Variants in CHID1 observed in about 807,000 individuals in gnomAD.
CHID1 encodes the protein chitinase domain-containing protein 1.
Under a neutral mutation model 55.4 loss-of-function variants are expected in CHID1, and 44 were observed. The ratio of observed to expected loss-of-function variants is 0.79; its 90% confidence interval spans 0.62 to 1.02. The LOEUF (loss-of-function observed/expected upper bound fraction) is 1.02, where lower values mean the gene tolerates loss of function less well. Ranked by LOEUF, CHID1 falls within the 50% of genes least tolerant of loss-of-function variation. The probability of loss-of-function intolerance (pLI) is 0.00; values close to 1 mark genes in which losing one functional copy is unlikely to be tolerated. For synonymous variants in CHID1, 216 were observed against 212.9 expected (o/e 1.01, Z -0.13); for missense variants, 491 against 515.3 (o/e 0.95, Z 0.46).
chr11:871,808 G>T (rs980638222), intron 10 of CHID1, among the ~76,000 whole-genome samples: 2 of 104,844 alleles, frequency 1.9e-5, no homozygotes, highest in Non-Finnish European at 3.8e-5. Context: ...TTATCCAAGT[G>T]AGAAATGGCC....
intron 10 of CHID1, among the ~76,000 whole-genome samples, chr11:879,686 A>AG (rs1426397740): frequency 2.0e-5 from 3 of 152,214 alleles, no homozygotes; most frequent in African/African-American, 7.2e-5. Context: ...CTTGAAGACT[A>AG]GTGCGGTGGC....
At chr11:906,008 A>T (rs1396818467) in intron 1 of CHID1, among the ~76,000 whole-genome samples, 1 of 152,232 alleles carries the variant, frequency 6.6e-6, no homozygotes, top group Non-Finnish European at 1.5e-5. Context: ...AATCAAGAAA[A>T]GACATTCCAG....
chr11:906,193 C>T (rs528879240), intron 1 of CHID1, among the ~76,000 whole-genome samples: 5 of 151,942 alleles, frequency 3.3e-5, no homozygotes, highest in East Asian at 1.9e-4. Context: ...CTCGGCCCCC[C>T]CAAAGTGCTG....
intron 10 of CHID1, among the ~76,000 whole-genome samples, chr11:878,755 G>A (rs919474264): frequency 5.3e-5 from 8 of 150,880 alleles, no homozygotes; most frequent in Non-Finnish European, 8.9e-5. Context: ...AGGCTGGAGT[G>A]CAATGGCGCG....
chr11:890,868 T>C (rs922753852), intron 8 of CHID1, among the ~76,000 whole-genome samples: 17 of 152,104 alleles, frequency 1.1e-4, no homozygotes, highest in African/African-American at 2.4e-5. Flanking sequence ...AAGGACACGA[T>C]AAAATTGGCA....
chr11:885,734 CTTT>C (rs1404021268), intron 8 of CHID1, among the ~76,000 whole-genome samples: 1 of 152,182 alleles, frequency 6.6e-6, no homozygotes, highest in Admixed American at 6.5e-5. Context: ...AAGATCATTT[CTTT>C]TTTATTTCTG....
Position 884,174 on chromosome 11 carries a change from A to G in CHID1, c.702-5T>C. 6.2e-7 allele frequency: 1 copy of G among 1,612,876 alleles called. No homozygotes were observed. The highest frequency in any genetic ancestry group is 8.5e-7 in the Non-Finnish European group (1 of 1,179,120). Reference sequence around the variant, plus strand: ...AACATGCCCAGCTGGTCGGTCCTGTAACAGACAGGTGCAGCCACCTCAGGC... The same window carrying G: ...AACATGCCCAGCTGGTCGGTCCTGTGACAGACAGGTGCAGCCACCTCAGGC... On this transcript the variant is annotated splice_polypyrimidine_tract_variant and splice_region_variant and intron_variant, in intron 8 of 12. Transcript: ENST00000323578.
At chr11:890,124 C>T (rs1434970952) in intron 8 of CHID1, among the ~76,000 whole-genome samples, 1 of 152,242 alleles carries the variant, frequency 6.6e-6, no homozygotes, top group African/African-American at 2.4e-5. Context: ...GCCTGCAGGC[C>T]TAGCCCGCTC....
Position 896,080 on chromosome 11 carries a change from C to T in CHID1, c.609-2561G>A, listed in dbSNP as rs941041228. Among the ~76,000 whole-genome samples the T allele has an allele frequency of 5.9e-5, 9 of 151,858 alleles. No individual in the cohort carries two copies. In the East Asian group the frequency reaches 1.7e-3, roughly 29 times the overall value. The stretch of plus-strand genomic sequence containing the variant: ...TGACACAACGAGGCCGTCTCAGCAC[C>T]CGCAGCCTCCACCCCAGACACAACG... On this transcript the variant is annotated intron_variant, in intron 7 of 12. Transcript: ENST00000323578.
At chr11:894,264 A>G (rs1851089456) in intron 7 of CHID1, among the ~76,000 whole-genome samples, 1 of 151,938 alleles carries the variant, frequency 6.6e-6, no homozygotes, top group Non-Finnish European at 1.5e-5. Flanking sequence ...AGGAGAGGGC[A>G]GGGCACCGGG....
chr11:908,494 G>A, intron 1 of CHID1: 4 of 795,212 alleles, frequency 5.0e-6, no homozygotes, highest in Non-Finnish European at 6.1e-6. Context: ...AGGGAAGGTG[G>A]GGAGGGTTCT....
chr11:900,170 T>C, intron 5 of CHID1, 60 bp from the exon 6 acceptor site: 1 of 1,392,532 alleles, frequency 7.2e-7, no homozygotes. Flanking sequence ...GGGCCCCTGC[T>C]GTTTGCTGCC....
In CHID1 at chr11:897,532, A is replaced by G. The variant is rs867742556; in HGVS notation, c.608+1808T>C. On this transcript the variant is annotated intron_variant, in intron 7 of 12. Transcript: ENST00000323578. ...CCCACGGCTCAGCAAGAACCCCCCA[A>G]GGCAGGGCCTGGGATTGTCCCTCAG... Among the ~76,000 whole-genome samples, 42 of 152,308 alleles carry G rather than the reference A, an allele frequency of 2.8e-4. No homozygotes were observed. The Middle Eastern group carries it at 0.01, about 37-fold the overall frequency.
intron 12 of CHID1, 41 bp from the exon 13 acceptor site, chr11:869,997 C>T: frequency 1.9e-6 from 3 of 1,603,872 alleles, no homozygotes; most frequent in African/African-American, 1.3e-5. Flanking sequence ...TGGGGCCTGT[C>T]CCCCCAACAC....
upstream of CHID1, among the ~76,000 whole-genome samples, chr11:912,860 AAAAG>A (rs1852778313): frequency 5.9e-5 from 9 of 151,958 alleles, no homozygotes; most frequent in Non-Finnish European, 1.3e-4. Flanking sequence ...AAGAAAAAGA[AAAAG>A]AAAACTGACT....
chr11:901,956 C>T (rs1851840850), intron 4 of CHID1, among the ~76,000 whole-genome samples: 1 of 152,052 alleles, frequency 6.6e-6, no homozygotes, highest in Admixed American at 6.5e-5. Context: ...CCCACTGTCT[C>T]ACACTTAGAC....
rs1298333021 is a variant in CHID1 at position 903,109 on chromosome 11, A to C, written c.114T>G (p.Ser38Arg). The C allele has an allele frequency of 1.2e-6, 2 of 1,608,744 alleles. No homozygotes were observed. Among genetic ancestry groups the C allele is most frequent in the East Asian group, 2.2e-5 (1 of 44,878 alleles). The change falls in exon 3 of 13, where the codon AGT (serine) becomes AGG (arginine). Residue 38 changes from serine (S) to arginine (R), a missense_variant and splice_region_variant. Coordinates refer to ENST00000323578, the MANE Select transcript of CHID1 (RefSeq NM_023947.4). ...KAASKTLLEK[S>R]QFSDKPVQDR... is the part of the protein sequence containing the mutation. Reference sequence around the variant, plus strand: ...CTTGCACCGGCTTATCTGAAAACTGACTCTGAAATAAAAGGAGTGAGAGAA... The same window carrying C: ...CTTGCACCGGCTTATCTGAAAACTGCCTCTGAAATAAAAGGAGTGAGAGAA...
chr11:883,632 G>A (rs148960496), intron 9 of CHID1, among the ~76,000 whole-genome samples: 2 of 152,346 alleles, frequency 1.3e-5, no homozygotes, highest in Non-Finnish European at 2.9e-5. Context: ...AGGCACTCAT[G>A]TGCGGCCCCC....
At chr11:879,180 C>T (rs375921831) in intron 10 of CHID1, among the ~76,000 whole-genome samples, 17 of 152,200 alleles carry the variant, frequency 1.1e-4, no homozygotes, top group Admixed American at 5.2e-4. Flanking sequence ...TTAGTAGAGA[C>T]GGGGTTTCAC....
Sources: gnomAD v4.1 joint callset for allele counts (sites outside exome capture counted in the v4.1 genomes callset) on GRCh38, gnomAD v4.1.1 for gene constraint, MANE v1.5 for transcripts, NCBI Gene and HGNC (gene_info 2026-07-23, HGNC 2026-07-21) for gene names.